The following TECRL variants were observed in gnomAD, a reference collection of about 807,000 sequenced individuals.
TECRL encodes trans-2,3-enoyl-CoA reductase-like.
In TECRL, 63 loss-of-function variants were observed where a neutral mutation model predicts 52.8. The observed-to-expected ratio is 1.19, with a 90% CI of 0.97 to 1.47. The LOEUF (loss-of-function observed/expected upper bound fraction) is 1.47. Among genes scored for constraint, TECRL ranks in the 40% most tolerant of loss-of-function variants. The pLI, the probability that TECRL is intolerant of heterozygous loss-of-function variation, is 0.00. For missense variants in TECRL, 482 were observed against 429.6 expected (o/e 1.12, Z -1.08); for synonymous variants, 164 against 141.9 (o/e 1.16, Z -1.10).
intron 1 of TECRL, among the ~76,000 whole-genome samples, chr4:64,377,543 T>A (rs1376896555): frequency 6.6e-6 from 1 of 152,072 alleles, no homozygotes; most frequent in Non-Finnish European, 1.5e-5. Context: ...TCTGAAACCC[T>A]ACATTTGAAA....
At chr4:64,314,615 G>C (rs1344371173) in intron 5 of TECRL, 33 bp downstream of exon 5, 2 of 1,070,328 alleles carry the variant, frequency 1.9e-6, no homozygotes, top group Non-Finnish European at 2.9e-6. Context: ...GTGTGTGTGT[G>C]TGTGTGTGTG....
At chr4:64,327,501 A>G (rs1718341704) in intron 3 of TECRL, among the ~76,000 whole-genome samples, 1 of 152,108 alleles carries the variant, frequency 6.6e-6, no homozygotes, top group South Asian at 2.1e-4. Context: ...ATGTGCTGAC[A>G]TGTGCTAGGC....
At chr4:64,296,396 A>G (rs985514580) in intron 8 of TECRL, among the ~76,000 whole-genome samples, 1 of 151,812 alleles carries the variant, frequency 6.6e-6, no homozygotes, top group Non-Finnish European at 1.5e-5. Flanking sequence ...CTCCAAGACC[A>G]TTTGCATTTT....
At chr4:64,281,176 A>T (rs577846974) in intron 10 of TECRL, 90 bp from the exon 11 acceptor site, 1 of 873,342 alleles carries the variant, frequency 1.1e-6, no homozygotes, top group South Asian at 2.0e-5. Flanking sequence ...TTAAGGCTTA[A>T]AATATTAGAA....
intron 1 of TECRL, among the ~76,000 whole-genome samples, chr4:64,382,108 T>C (rs1722834489): frequency 6.6e-6 from 1 of 150,450 alleles, no homozygotes; most frequent in Non-Finnish European, 1.5e-5. Context: ...TGATTCAGTT[T>C]TGTTACTCAT....
intron 2 of TECRL, among the ~76,000 whole-genome samples, chr4:64,344,229 AC>A (rs1299472311): frequency 6.6e-6 from 1 of 152,032 alleles, no homozygotes; most frequent in African/African-American, 2.4e-5. Context: ...ATAAGATGAT[AC>A]AAATATAATC....
intron 2 of TECRL, among the ~76,000 whole-genome samples, chr4:64,355,083 C>T (rs1203774431): frequency 6.6e-6 from 1 of 152,004 alleles, no homozygotes; most frequent in Non-Finnish European, 1.5e-5. Flanking sequence ...CACTTATTTT[C>T]ATTGTAAAAT....
At position 64,375,206 on chromosome 4, in the gene TECRL, A is replaced by G. The variant is rs778205527; in HGVS notation, c.252T>C (p.Thr84=). Residue 84 remains threonine (T), a synonymous_variant, in exon 2 of 12, where the codon ACT becomes ACC. Transcript: ENST00000381210. Reference sequence around the variant, plus strand: ...GAAACTTTTGCTTAACATCATGAATAGTAGATGATTGTGTCACCTGAAAAG... The same window carrying G: ...GAAACTTTTGCTTAACATCATGAATGGTAGATGATTGTGTCACCTGAAAAG... ...CILDKVTQSS[T]IHDVKQKFHK... is the part of the protein sequence containing the mutation. The G allele has an allele frequency of 1.9e-5, 27 of 1,409,442 alleles. No individual in the cohort carries two copies. The South Asian group carries it at 3.7e-4, about 19-fold the overall frequency. The allele number at this position is 1,409,442 out of a possible 1,614,324, so 87.3% of individuals were successfully genotyped here.
intron 8 of TECRL, among the ~76,000 whole-genome samples, chr4:64,297,070 CCACCAAAT>C (rs1322956346): frequency 2.0e-5 from 3 of 151,436 alleles, no homozygotes; most frequent in African/African-American, 7.3e-5. Flanking sequence ...GAAGAATTTT[CCACCAAAT>C]AGGAACCTGA....
At chr4:64,387,794 A>G (rs546000503) in intron 1 of TECRL, among the ~76,000 whole-genome samples, 18 of 152,090 alleles carry the variant, frequency 1.2e-4, no homozygotes, top group African/African-American at 4.1e-4. Context: ...GATTTGTTTT[A>G]CTTTATCCTG....
At chr4:64,353,475 T>G (rs10006428) in intron 2 of TECRL, among the ~76,000 whole-genome samples, 1 of 151,924 alleles carries the variant, frequency 6.6e-6, no homozygotes, top group Non-Finnish European at 1.5e-5. Context: ...AGATATAGTA[T>G]GGTATAAAGT....
Position 64,299,976 on chromosome 4 carries a change from G to C in TECRL, c.772C>G (p.Leu258Val). The C allele has an allele frequency of 1.3e-6, 2 of 1,572,646 alleles. No individual in the cohort carries two copies. Among genetic ancestry groups the C allele is most frequent in the Non-Finnish European group, 1.7e-6 (2 of 1,156,002 alleles). ...CAAAATATATATATGATACATACCA[G>C]AAAATTGATAGCAGATACTGTGATT... ...RQITVSAINF[L>V]ICEAGNHFIN... The change falls in exon 8 of 12, where the codon CTG (leucine) becomes GTG (valine). Residue 258 changes from leucine (L) to valine (V), a missense_variant and splice_region_variant. Leu to Val is a conservative substitution (Grantham distance 32, BLOSUM62 1). Transcript: ENST00000381210.
chr4:64,276,762 A>G (rs2109913301), downstream of TECRL: 1 of 260,946 alleles, frequency 3.8e-6, no homozygotes, highest in African/African-American at 2.2e-5. Flanking sequence ...TAAATGCACA[A>G]TATTTTAGCC....
chr4:64,319,256 C>T (rs886700456), intron 4 of TECRL, among the ~76,000 whole-genome samples: 1 of 151,314 alleles, frequency 6.6e-6, no homozygotes, highest in Non-Finnish European at 1.5e-5. Context: ...ACACGTGAGA[C>T]AAATTGAAGA....
intron 2 of TECRL, among the ~76,000 whole-genome samples, chr4:64,373,258 T>A (rs1722109539): frequency 6.6e-6 from 1 of 151,356 alleles, no homozygotes; most frequent in Non-Finnish European, 1.5e-5. Flanking sequence ...TTTGAAAAAG[T>A]GAAAAAAGTC....
chr4:64,318,587 T>A (rs1473211147), intron 4 of TECRL, among the ~76,000 whole-genome samples: 8 of 151,958 alleles, frequency 5.3e-5, no homozygotes, highest in Admixed American at 3.9e-4. Context: ...CAAGAATTGT[T>A]TAGAAAAGAC....
chr4:64,378,029 C>G (rs1029748323), intron 1 of TECRL, among the ~76,000 whole-genome samples: 27 of 151,954 alleles, frequency 1.8e-4, no homozygotes, highest in Non-Finnish European at 2.9e-4. Context: ...AAACAAAGAA[C>G]TTGTCTAAAA....
intron 9 of TECRL, among the ~76,000 whole-genome samples, chr4:64,287,887 CTG>C (rs773515452): frequency 3.9e-5 from 6 of 152,160 alleles, no homozygotes; most frequent in Non-Finnish European, 8.8e-5. Flanking sequence ...TGGCTCATGT[CTG>C]TAATCCCAGC....
In TECRL at chr4:64,296,708, A is replaced by G. The variant is rs190742575; in HGVS notation, c.774+3266T>C. ...TAGGAAGGTTCTTTAGGTAAAGTAT[A>G]TTTTGTTTCACAATTGTGATTTTGG... On this transcript the variant is annotated intron_variant, in intron 8 of 11. Transcript: ENST00000381210. 2.5e-3 allele frequency among the ~76,000 whole-genome samples: 380 copies of G among 151,784 alleles called. 3 individuals carry two copies. The highest frequency in any genetic ancestry group is 8.9e-3 in the African/African-American group (371 of 41,536).
Sources: gnomAD v4.1 joint callset for allele counts (sites outside exome capture counted in the v4.1 genomes callset) on GRCh38, gnomAD v4.1.1 for gene constraint, MANE v1.5 for transcripts, NCBI Gene and HGNC (gene_info 2026-07-23, HGNC 2026-07-21) for gene names.